The following CBR4 variants were observed in gnomAD, a reference collection of about 807,000 sequenced individuals.
The protein encoded by CBR4 is 3-oxoacyl-[acyl-carrier-protein] reductase.
Under a neutral mutation model 21.0 loss-of-function variants are expected in CBR4, and 22 were observed. The observed-to-expected ratio is 1.05, with a 90% CI of 0.75 to 1.50. The LOEUF is 1.50. CBR4 is among the 40% of genes most tolerant of loss of function. The pLI, the probability that CBR4 is intolerant of heterozygous loss-of-function variation, is 0.00. For missense variants in CBR4, 302 were observed against 286.3 expected, an observed-to-expected ratio of 1.05 and a Z score of -0.40; for synonymous variants, 100 against 104.4, an observed-to-expected ratio of 0.96 and a Z score of 0.26.
chr4:168,969,848 A>G (rs1407710280), intron 2 of CBR4, among the ~76,000 whole-genome samples: 2 of 152,182 alleles, frequency 1.3e-5, no homozygotes, highest in African/African-American at 4.8e-5. Flanking sequence ...CAAATCTACT[A>G]AATCAAATGA....
At chr4:168,938,763 G>T (rs1451958949) in intron 2 of CBR4, among the ~76,000 whole-genome samples, 1 of 152,082 alleles carries the variant, frequency 6.6e-6, no homozygotes, top group Non-Finnish European at 1.5e-5. Context: ...AAATCAGGAA[G>T]AATAGACCAA....
At position 168,988,125 on chromosome 4, in the gene CBR4, C is replaced by A; in HGVS notation, c.*2025G>T. The A allele has an allele frequency of 1.4e-5, 14 of 985,326 alleles. No homozygotes were observed. The highest frequency in any genetic ancestry group is 1.7e-5 in the Non-Finnish European group (14 of 829,874). The allele number at this position is 985,326 out of a possible 1,614,324, so 61.0% of individuals were successfully genotyped here. A position where few individuals can be genotyped will look rare whatever the true frequency, so the allele number is the denominator to read the frequency against. The stretch of plus-strand genomic sequence containing the variant: ...CTGAACATAAGGCAACAGTTCACAA[C>A]TGATTTCAGAAATAGAAGGTAAGTA... On this transcript the variant is annotated 3_prime_UTR_variant, in exon 5 of 5. Coordinates refer to ENST00000306193, the MANE Select transcript of CBR4 (RefSeq NM_032783.5).
chr4:168,918,155 C>T (rs1429945420), intron 2 of CBR4, among the ~76,000 whole-genome samples: 1 of 151,190 alleles, frequency 6.6e-6, no homozygotes, highest in Non-Finnish European at 1.5e-5. Context: ...TGCATTCCAA[C>T]CTGGGCAACA....
chr4:168,920,556 T>C (rs1761263677), intron 2 of CBR4, among the ~76,000 whole-genome samples: 1 of 152,174 alleles, frequency 6.6e-6, no homozygotes. Context: ...CCATTCAAAA[T>C]CAAGGGCAAA....
chr4:168,968,953 A>G (rs1159766760), intron 2 of CBR4, among the ~76,000 whole-genome samples: 1 of 152,220 alleles, frequency 6.6e-6, no homozygotes, highest in Non-Finnish European at 1.5e-5. Flanking sequence ...GGAAGTGGGA[A>G]AATGACCACA....
intron 2 of CBR4, among the ~76,000 whole-genome samples, chr4:168,967,355 A>C (rs1764073385): frequency 6.7e-6 from 1 of 148,946 alleles, no homozygotes; most frequent in Non-Finnish European, 1.5e-5. Flanking sequence ...GGGGCCTGTC[A>C]GGGGGTTGGG....
intron 2 of CBR4, among the ~76,000 whole-genome samples, chr4:168,956,137 A>G (rs541979272): frequency 6.6e-6 from 1 of 152,206 alleles, no homozygotes; most frequent in African/African-American, 2.4e-5. Context: ...CTCAGAACCC[A>G]TATGTTTCAG....
intron 2 of CBR4, among the ~76,000 whole-genome samples, chr4:168,938,640 C>T (rs943263785): frequency 5.3e-5 from 8 of 152,158 alleles, no homozygotes; most frequent in African/African-American, 1.7e-4. Flanking sequence ...CACCACCAAT[C>T]CCACAGAAAT....
At chr4:168,949,757 TTTG>T (rs1361477866) in intron 2 of CBR4, among the ~76,000 whole-genome samples, 1 of 152,174 alleles carries the variant, frequency 6.6e-6, no homozygotes, top group Non-Finnish European at 1.5e-5. Context: ...TGGACTTTTT[TTTG>T]TTAATTTTTA....
At chr4:168,928,034 C>T (rs1166136866) in intron 2 of CBR4, 2 of 194,930 alleles carry the variant, frequency 1.0e-5, no homozygotes, top group East Asian at 1.6e-4. Flanking sequence ...ACATGTACAG[C>T]TTTCTACTTC....
chr4:168,956,580 A>AC (rs1238005384), intron 2 of CBR4, among the ~76,000 whole-genome samples: 2 of 135,750 alleles, frequency 1.5e-5, no homozygotes, highest in African/African-American at 5.5e-5. Flanking sequence ...CCTGGGCGAC[A>AC]CAGCCAGACC....
At chr4:168,923,517 A>T (rs1761986103) in intron 2 of CBR4, among the ~76,000 whole-genome samples, 1 of 152,054 alleles carries the variant, frequency 6.6e-6, no homozygotes, top group Non-Finnish European at 1.5e-5. Context: ...ACAATTTCCC[A>T]TTGGATGGTA....
chr4:168,931,383 C>T, intron 2 of CBR4, among the ~76,000 whole-genome samples: 1 of 152,104 alleles, frequency 6.6e-6, no homozygotes, highest in Non-Finnish European at 1.5e-5. Flanking sequence ...GCATACATGT[C>T]CCTAGACCTT....
intron 1 of CBR4, among the ~76,000 whole-genome samples, 200 bp downstream of exon 1, chr4:169,009,748 C>G (rs977784473): frequency 6.6e-6 from 1 of 152,250 alleles, no homozygotes; most frequent in Admixed American, 6.5e-5. Context: ...GCTGCGTGGC[C>G]GGCATTCTGC....
At chr4:169,008,535 T>C (rs1731114510) in intron 1 of CBR4, among the ~76,000 whole-genome samples, 1 of 152,038 alleles carries the variant, frequency 6.6e-6, no homozygotes, top group African/African-American at 2.4e-5. Flanking sequence ...CACTACCCCA[T>C]CAAGCCTTTG....
At chr4:168,960,816 C>T (rs1763828624) in intron 2 of CBR4, among the ~76,000 whole-genome samples, 1 of 152,172 alleles carries the variant, frequency 6.6e-6, no homozygotes, top group East Asian at 1.9e-4. Flanking sequence ...GTACCTCTTA[C>T]CAAAATGAGC....
At chr4:168,957,505 CATTT>C (rs1560962905) in intron 2 of CBR4, among the ~76,000 whole-genome samples, 4 of 152,138 alleles carry the variant, frequency 2.6e-5, no homozygotes, top group African/African-American at 9.7e-5. Flanking sequence ...GTAACTCATT[CATTT>C]AAAGTGTATC....
chr4:168,975,086 C>T (rs992044371), intron 2 of CBR4, among the ~76,000 whole-genome samples: 1 of 152,118 alleles, frequency 6.6e-6, no homozygotes, highest in Non-Finnish European at 1.5e-5. Flanking sequence ...AGGTTCTGTC[C>T]CATGGGGTGA....
At chr4:168,948,855 T>C (rs1383522257) in intron 2 of CBR4, among the ~76,000 whole-genome samples, 1 of 152,230 alleles carries the variant, frequency 6.6e-6, no homozygotes, top group Non-Finnish European at 1.5e-5. Flanking sequence ...TGGGCAATTT[T>C]TTGGTTTCAT....
Sources: gnomAD v4.1 joint callset for allele counts (sites outside exome capture counted in the v4.1 genomes callset) on GRCh38, gnomAD v4.1.1 for gene constraint, MANE v1.5 for transcripts, NCBI Gene and HGNC (gene_info 2026-07-23, HGNC 2026-07-21) for gene names.